GTPBP1: variants seen among roughly 807,000 people sequenced by gnomAD.
GTPBP1 encodes GTP binding protein 1, also known as GTP-binding protein 1.
Under a neutral mutation model 62.0 loss-of-function variants are expected in GTPBP1, and 23 were observed. The ratio of observed to expected loss-of-function variants is 0.37; its 90% CI spans 0.27 to 0.53. The LOEUF (loss-of-function observed/expected upper bound fraction) is 0.53. Among genes scored for constraint, GTPBP1 ranks in the 20% least tolerant of loss-of-function variants. GTPBP1 has a pLI of 0.89. For synonymous variants in GTPBP1, 344 were observed against 364.4 expected, an observed-to-expected ratio of 0.94 and a Z score of 0.64; for missense variants, 640 against 917.3, an observed-to-expected ratio of 0.70 and a Z score of 3.90.
intron 4 of GTPBP1, among the ~76,000 whole-genome samples, chr22:38,719,933 T>A (rs181170317): frequency 2.0e-5 from 3 of 148,704 alleles, no homozygotes; most frequent in Non-Finnish European, 4.5e-5. Context: ...TTCTTTCTTT[T>A]TTTTTTTTTT....
intron 1 of GTPBP1, among the ~76,000 whole-genome samples, chr22:38,708,125 G>A (rs1196048975): frequency 2.6e-5 from 4 of 152,176 alleles, no homozygotes; most frequent in Non-Finnish European, 5.9e-5. Context: ...TATTAGCTCC[G>A]TTTTATAGAT....
rs960743695 is a variant in GTPBP1, at chr22:38,730,976, T to C, written c.*272T>C. The C allele has an allele frequency of 2.3e-5, 11 of 468,532 alleles. No homozygotes were observed. Among genetic ancestry groups the C allele is most frequent in the African/African-American group, 1.8e-4 (9 of 48,910 alleles). 29.0% of individuals were successfully genotyped at this position (468,532 alleles called of 1,614,324 possible). A position where few individuals can be genotyped will look rare whatever the true frequency, so the allele number is the denominator to read the frequency against. On this transcript the variant is annotated 3_prime_UTR_variant, in exon 12 of 12. Transcript: ENST00000216044. The surrounding 1 kb of genome is among the most constrained non-coding windows in gnomAD (Gnocchi z 5.6). ...TTTGTACATCTGGGCCCTTAGTTTT[T>C]ATTCTGTTTATTATATGTCTCTGTC...
At position 38,707,344 on chromosome 22, in the gene GTPBP1, C is replaced by T. The variant is rs140538917; in HGVS notation, c.192+1197C>T. The stretch of plus-strand genomic sequence containing the variant: ...GCGGCAAATTTGCATGAAACTTGGT[C>T]CTAAACTGGGGAGGAACTTTCCCTG... On this transcript the variant is annotated intron_variant, in intron 1 of 11. Coordinates refer to ENST00000216044, the MANE Select transcript of GTPBP1 (RefSeq NM_004286.5). Among the ~76,000 whole-genome samples, 67 of 152,278 alleles carry T rather than the reference C, an allele frequency of 4.4e-4. 1 individual carries two copies. Among genetic ancestry groups the T allele is most frequent in the African/African-American group, 1.6e-3 (65 of 41,538 alleles).
intron 6 of GTPBP1, 152 bp from the exon 7 acceptor site, chr22:38,725,854 C>G: frequency 1.4e-6 from 1 of 726,610 alleles, no homozygotes. Flanking sequence ...GCAAAGAGGT[C>G]AAGCCCTTGG....
At chr22:38,742,326 C>A, downstream of GTPBP1, 1 of 1,605,754 alleles carries the variant, frequency 6.2e-7, no homozygotes. Flanking sequence ...AGTTTCCCTG[C>A]GGAAATCCTC....
In GTPBP1 at chr22:38,708,802, C is replaced by T. The variant is rs200528524; in HGVS notation, c.193-43C>T. Reference sequence around the variant, plus strand: ...ATTGATCAGCTTTGGCTGTGGTGCTCTTCTAGCAAGTGTGGTCCTAAGGCT... The same window carrying T: ...ATTGATCAGCTTTGGCTGTGGTGCTTTTCTAGCAAGTGTGGTCCTAAGGCT... On this transcript the variant is annotated intron_variant, in intron 1 of 11. Coordinates refer to ENST00000216044, the MANE Select transcript of GTPBP1 (RefSeq NM_004286.5). The T allele has an allele frequency of 9.2e-6, 10 of 1,089,448 alleles. No homozygotes were observed. The East Asian group carries it at 1.6e-4, about 18-fold the overall frequency. The allele number at this position is 1,089,448 out of a possible 1,614,324, so 67.5% of individuals were successfully genotyped here.
intron 2 of GTPBP1, among the ~76,000 whole-genome samples, chr22:38,709,793 G>A (rs1246849809): frequency 3.9e-5 from 6 of 152,192 alleles, no homozygotes; most frequent in Non-Finnish European, 8.8e-5. Context: ...AACAGAGGTC[G>A]TCCTCTCTCC....
At chr22:38,736,303 G>T, downstream of GTPBP1, 1 of 1,614,044 alleles carries the variant, frequency 6.2e-7, no homozygotes, top group Admixed American at 1.7e-5. Flanking sequence ...TGAAGCGGTA[G>T]ATGCAGGTGT....
chr22:38,720,964 A>G (rs1355563571), intron 4 of GTPBP1, among the ~76,000 whole-genome samples: 1 of 152,180 alleles, frequency 6.6e-6, no homozygotes, highest in Non-Finnish European at 1.5e-5. Context: ...AGAGTGCAGT[A>G]GCTCGATCAT....
chr22:38,722,883 T>G, intron 5 of GTPBP1: 2 of 1,370,590 alleles, frequency 1.5e-6, no homozygotes, highest in South Asian at 1.2e-5. Flanking sequence ...GAGGGTTTCT[T>G]CCACGCTTCG....
chr22:38,741,627 C>T, downstream of GTPBP1: 1 of 1,515,430 alleles, frequency 6.6e-7, no homozygotes, highest in Non-Finnish European at 9.2e-7. Context: ...TAGGGACCCT[C>T]ATGACTAGGA....
rs1253734619 is a variant in GTPBP1 at position 38,713,122 on chromosome 22, G to A, written c.305-2785G>A. 3.3e-5 allele frequency among the ~76,000 whole-genome samples: 5 copies of A among 152,182 alleles called. No homozygotes were observed. The East Asian group carries it at 5.8e-4, about 18-fold the overall frequency. ...GAGTAGGATTTTGCTAGGAGGAGGT[G>A]CGCTGTTGGGCTTTCAGGATAGGAA... On this transcript the variant is annotated intron_variant, in intron 2 of 11. Transcript: ENST00000216044.
rs902467350 is a variant in GTPBP1 at position 38,727,689 on chromosome 22, A to C, written c.1538-294A>C. 3.3e-5 allele frequency among the ~76,000 whole-genome samples: 5 copies of C among 152,220 alleles called. No individual in the cohort carries two copies. Among genetic ancestry groups the C allele is most frequent in the Non-Finnish European group, 7.3e-5 (5 of 68,036 alleles). On this transcript the variant is annotated intron_variant, in intron 9 of 11. Transcript: ENST00000216044. The surrounding 1 kb of genome is among the most constrained non-coding windows in gnomAD (Gnocchi z 6.5). The stretch of plus-strand genomic sequence containing the variant: ...CAAGGATCCTTCCCCGCAGAAGCCC[A>C]CAGTCCAGCGAGGAGGTGCATGTGC...
At position 38,731,935 on chromosome 22, in the gene GTPBP1, G is replaced by A. The variant is rs1470215470; in HGVS notation, c.*1231G>A. The A allele has an allele frequency of 6.6e-6, 1 of 152,466 alleles. No individual in the cohort carries two copies. Among genetic ancestry groups the A allele is most frequent in the Non-Finnish European group, 1.5e-5 (1 of 68,244 alleles). The allele number at this position is 152,466 out of a possible 1,614,324, so 9.4% of individuals were successfully genotyped here. On this transcript the variant is annotated 3_prime_UTR_variant, in exon 12 of 12. Coordinates refer to ENST00000216044, the MANE Select transcript of GTPBP1 (RefSeq NM_004286.5). ...TTCTGGAAGAACCCCTGCCTGGGGT[G>A]GGACTGTGCAGGCCAGAGAAGGTGG...
chr22:38,738,610 C>T (rs2092827644), downstream of GTPBP1: 2 of 1,613,642 alleles, frequency 1.2e-6, no homozygotes, highest in African/African-American at 1.3e-5. The surrounding 1 kb of genome is among the most constrained non-coding windows in gnomAD (Gnocchi z 6.6). Flanking sequence ...TCCTTGGGGG[C>T]ACTGGAGATA....
At position 38,727,699 on chromosome 22, in the gene GTPBP1, G is replaced by A. The variant is rs1285104049; in HGVS notation, c.1538-284G>A. Among the ~76,000 whole-genome samples, 1 of 152,220 alleles carries A rather than the reference G, an allele frequency of 6.6e-6. No homozygotes were observed. The highest frequency in any genetic ancestry group is 6.5e-5 in the Admixed American group (1 of 15,284). On this transcript the variant is annotated intron_variant, in intron 9 of 11. Coordinates refer to ENST00000216044, the MANE Select transcript of GTPBP1 (RefSeq NM_004286.5). This position sits in a 1 kb window ranked among gnomAD's most constrained non-coding sequence, Gnocchi z 6.5. ...TCCCCGCAGAAGCCCACAGTCCAGC[G>A]AGGAGGTGCATGTGCAGTGTGCTGT...
rs1467595560 is a variant in GTPBP1, at chr22:38,730,853, G to C, written c.*149G>C. 1 of 561,366 alleles carries C rather than the reference G, an allele frequency of 1.8e-6. No homozygotes were observed. 34.8% of individuals were successfully genotyped at this position (561,366 alleles called of 1,614,324 possible). ...GCATTGCCCCCACCCCCATTTTCCA[G>C]GGGGGTTGTAATTTATAAGCTGACG... On this transcript the variant is annotated 3_prime_UTR_variant, in exon 12 of 12. Coordinates refer to ENST00000216044, the MANE Select transcript of GTPBP1 (RefSeq NM_004286.5). This position sits in a 1 kb window ranked among gnomAD's most constrained non-coding sequence, Gnocchi z 5.6.
chr22:38,717,311 C>T (rs2092676326), intron 4 of GTPBP1, among the ~76,000 whole-genome samples: 1 of 152,184 alleles, frequency 6.6e-6, no homozygotes, highest in Admixed American at 6.5e-5. Context: ...TTGTTACCTT[C>T]AGAAATGTTT....
rs376333812 is a variant in GTPBP1, at chr22:38,730,569, C to G, written c.1918-43C>G. ...AGCACCTCTGCTCTCTGGCCCTGCT[C>G]CTGATGGGCCAGTGCTTCTCAAGCT... On this transcript the variant is annotated intron_variant, in intron 11 of 11. Transcript: ENST00000216044. The surrounding 1 kb of genome is among the most constrained non-coding windows in gnomAD (Gnocchi z 5.6). The G allele has an allele frequency of 7.7e-7, 1 of 1,307,034 alleles. No homozygotes were observed. The highest frequency in any genetic ancestry group is 1.2e-5 in the South Asian group (1 of 84,892). The allele number at this position is 1,307,034 out of a possible 1,614,324, so 81.0% of individuals were successfully genotyped here.
Sources: gnomAD v4.1 joint callset for allele counts (sites outside exome capture counted in the v4.1 genomes callset) on GRCh38, gnomAD v4.1.1 for gene constraint, Gnocchi (gnomAD v3.1) non-coding constraint, MANE v1.5 for transcripts, NCBI Gene and HGNC (gene_info 2026-07-23, HGNC 2026-07-21) for gene names.